Variants in UFL1 observed in about 807,000 individuals in gnomAD.
UFL1 encodes the protein E3 UFM1-protein ligase 1.
A neutral mutation model predicts 99.3 loss-of-function variants in UFL1; 78 were observed. That is an observed-to-expected ratio of 0.79 (90% CI 0.65 to 0.95). The LOEUF is 0.95. UFL1 is among the 40% of genes least tolerant of loss of function. The pLI, the probability that UFL1 is intolerant of heterozygous loss-of-function variation, is 0.00. For missense variants in UFL1, 936 were observed against 937.0 expected (o/e 1.00, Z 0.01); for synonymous variants, 335 against 322.2 (o/e 1.04, Z -0.42).
chr6:96,540,066 G>A (rs1769908868), intron 10 of UFL1, among the ~76,000 whole-genome samples: 1 of 111,752 alleles, frequency 8.9e-6, no homozygotes, highest in Non-Finnish European at 1.7e-5. Flanking sequence ...GAATCCAGAG[G>A]GGGGAAAAAA....
At chr6:96,542,613 G>T (rs75361347) in intron 11 of UFL1, among the ~76,000 whole-genome samples, 1 of 151,110 alleles carries the variant, frequency 6.6e-6, no homozygotes, top group Admixed American at 6.6e-5. Context: ...AGAGTTACAG[G>T]AAAGAGGTGA....
chr6:96,531,157 C>T (rs1769777656), intron 6 of UFL1, among the ~76,000 whole-genome samples: 1 of 152,222 alleles, frequency 6.6e-6, no homozygotes. Context: ...CCATCCCCCA[C>T]AACCCGGGTC....
chr6:96,522,414 A>G (rs1045929592), intron 1 of UFL1, among the ~76,000 whole-genome samples: 2 of 152,136 alleles, frequency 1.3e-5, no homozygotes, highest in African/African-American at 2.4e-5. Context: ...TATCTCTCGT[A>G]ACAGACCTAG....
rs767457064 is a variant in UFL1, at chr6:96,551,887, ATAT to A, written c.1953_1955del (p.Ile651del). 7 of 1,610,022 alleles carry A rather than the reference ATAT, an allele frequency of 4.3e-6. No individual in the cohort carries two copies. Among genetic ancestry groups the A allele is most frequent in the African/African-American group, 4.0e-5 (3 of 74,668 alleles). ...CTGGATTCTGCAGCAGAAGCTTGTGATATTATGGTGAAAAGGGGAGACAAAAAA... is the reference window on the plus strand; with the variant it reads ...CTGGATTCTGCAGCAGAAGCTTGTGATATGGTGAAAAGGGGAGACAAAAAA... On this transcript the variant is annotated inframe_deletion, in exon 17 of 19. Transcript: ENST00000369278.
chr6:96,526,571 G>A (rs1769706871), intron 5 of UFL1, 136 bp downstream of exon 5: 3 of 702,956 alleles, frequency 4.3e-6, no homozygotes, highest in East Asian at 2.8e-5. Context: ...CTTGATATAT[G>A]TTGTACCAAT....
chr6:96,536,130 C>T lies in UFL1; in HGVS notation c.656-114C>T, dbSNP rs559278582. On this transcript the variant is annotated intron_variant, in intron 7 of 18. Transcript: ENST00000369278. The stretch of plus-strand genomic sequence containing the variant: ...ACCTTTATTTATGCTATTTCAACTT[C>T]AGATTGGTTTTTTAAAGGTTAAGAA... 7.8e-6 allele frequency: 8 copies of T among 1,026,510 alleles called. No homozygotes were observed. In the South Asian group the frequency reaches 1.9e-4, roughly 24 times the overall value. The allele number at this position is 1,026,510 out of a possible 1,614,324, so 63.6% of individuals were successfully genotyped here. A position where few individuals can be genotyped will look rare whatever the true frequency, so the allele number is the denominator to read the frequency against.
At chr6:96,539,632 TTCC>T in intron 10 of UFL1, among the ~76,000 whole-genome samples, 1 of 151,682 alleles carries the variant, frequency 6.6e-6, no homozygotes, top group East Asian at 1.9e-4. Context: ...GACCTCTAGT[TTCC>T]TCATCTTTAA....
In UFL1 at chr6:96,551,377, A is replaced by G. The variant is rs1314418968; in HGVS notation, c.1819-56A>G. 9.9e-6 allele frequency: 9 copies of G among 910,944 alleles called. No homozygotes were observed. The East Asian group carries it at 1.4e-4, about 14-fold the overall frequency. 56.4% of individuals were successfully genotyped at this position (910,944 alleles called of 1,614,324 possible). ...TACAGTATTTTTTTCACTTTATCTT[A>G]TATCCATTGCATGTCAAAAGCACAG... On this transcript the variant is annotated intron_variant, in intron 15 of 18. Transcript: ENST00000369278.
intron 4 of UFL1, 133 bp from the exon 5 acceptor site, chr6:96,526,188 T>C: frequency 4.8e-6 from 3 of 630,088 alleles, no homozygotes; most frequent in South Asian, 4.3e-5. Flanking sequence ...GAGTGATGAG[T>C]GGTGTTCATG....
In UFL1 at chr6:96,555,244, G is replaced by GTTA. The variant is rs1426698424; in HGVS notation, c.*1744_*1746dup. On this transcript the variant is annotated 3_prime_UTR_variant, in exon 19 of 19. Coordinates refer to ENST00000369278, the MANE Select transcript of UFL1 (RefSeq NM_015323.5). ...GATCTTAATGGGCAGGGTTAAGAAA[G>GTTA]TTATTTAAAATAAAGTTACCTATTC... is the stretch of plus-strand genomic sequence containing the variant. The GTTA allele has an allele frequency of 6.6e-6, 1 of 152,046 alleles. No homozygotes were observed. The highest frequency in any genetic ancestry group is 2.4e-5 in the African/African-American group (1 of 41,414). 9.4% of individuals were successfully genotyped at this position (152,046 alleles called of 1,614,324 possible).
intron 6 of UFL1, among the ~76,000 whole-genome samples, chr6:96,530,356 G>A (rs1053928068): frequency 2.6e-5 from 4 of 152,126 alleles, no homozygotes; most frequent in African/African-American, 9.7e-5. Context: ...GAATATCTCA[G>A]AAATAACACT....
chr6:96,550,843 C>A (rs1353822942), intron 15 of UFL1, among the ~76,000 whole-genome samples: 1 of 151,984 alleles, frequency 6.6e-6, no homozygotes, highest in Non-Finnish European at 1.5e-5. Flanking sequence ...AGCAACTAGC[C>A]CTTAATCTTC....
intron 16 of UFL1, 98 bp from the exon 17 acceptor site, chr6:96,551,738 TTG>T (rs1181504836): frequency 1.2e-6 from 1 of 869,124 alleles, no homozygotes; most frequent in Non-Finnish European, 1.8e-6. Flanking sequence ...CTTTTAAAAA[TTG>T]TATTTGGGAT....
At chr6:96,549,852 C>T in intron 15 of UFL1, 53 bp downstream of exon 15, 1 of 1,573,984 alleles carries the variant, frequency 6.4e-7, no homozygotes, top group Non-Finnish European at 8.6e-7. Flanking sequence ...TGCATCTATA[C>T]ACATTTTATT....
intron 15 of UFL1, among the ~76,000 whole-genome samples, chr6:96,550,301 CCTT>C (rs1254353486): frequency 6.6e-6 from 1 of 151,826 alleles, no homozygotes; most frequent in Non-Finnish European, 1.5e-5. Flanking sequence ...GACAACCCCT[CCTT>C]CTCCTTCTCT....
chr6:96,541,050 A>G (rs1229068640), intron 11 of UFL1, among the ~76,000 whole-genome samples: 1 of 151,298 alleles, frequency 6.6e-6, no homozygotes, highest in African/African-American at 2.4e-5. Flanking sequence ...CCCAGACTGT[A>G]AGTAACTGGT....
At position 96,537,348 on chromosome 6, in the gene UFL1, A is replaced by G. The variant is rs755965894; in HGVS notation, c.803-26A>G. ...TGTCTTACATGTAATTGACAATTCT[A>G]ATCCAACTTTGTGATATATTTGTAG... On this transcript the variant is annotated intron_variant, in intron 8 of 18. Coordinates refer to ENST00000369278, the MANE Select transcript of UFL1 (RefSeq NM_015323.5). 6.6e-6 allele frequency: 10 copies of G among 1,518,064 alleles called. No homozygotes were observed. The South Asian group carries it at 1.1e-4, about 16-fold the overall frequency. 94.0% of individuals were successfully genotyped at this position (1,518,064 alleles called of 1,614,324 possible).
At chr6:96,537,992 A>G (rs1256175354) in intron 9 of UFL1, among the ~76,000 whole-genome samples, 2 of 151,896 alleles carry the variant, frequency 1.3e-5, no homozygotes, top group East Asian at 3.9e-4. Context: ...CCAAAAAGAT[A>G]AGTGTAGATA....
rs1005329323 is a variant in UFL1, at chr6:96,551,425, C to T, written c.1819-8C>T. The T allele has an allele frequency of 7.0e-7, 1 of 1,427,086 alleles. No homozygotes were observed. The highest frequency in any genetic ancestry group is 9.6e-7 in the Non-Finnish European group (1 of 1,044,642). The allele number at this position is 1,427,086 out of a possible 1,614,324, so 88.4% of individuals were successfully genotyped here. On this transcript the variant is annotated splice_region_variant and splice_polypyrimidine_tract_variant and intron_variant, in intron 15 of 18. Coordinates refer to ENST00000369278, the MANE Select transcript of UFL1 (RefSeq NM_015323.5). ...CAGTACTGAATGAATTTTCATTTAC[C>T]CCTACAGATAAGAAAGAAAATTTTA...
Sources: allele counts gnomAD v4.1 joint callset (sites outside exome capture counted in the v4.1 genomes callset), GRCh38; gene constraint gnomAD v4.1.1; transcripts MANE v1.5; gene names NCBI Gene and HGNC (gene_info 2026-07-23, HGNC 2026-07-21).